The following KCTD8 variants were observed in gnomAD, a reference collection of about 807,000 sequenced individuals.
KCTD8 encodes BTB/POZ domain-containing protein KCTD8.
Under a neutral mutation model 31.5 loss-of-function variants are expected in KCTD8, and 27 were observed. The observed-to-expected ratio is 0.86, with a 90% confidence interval of 0.63 to 1.18. The LOEUF (loss-of-function observed/expected upper bound fraction) is 1.18, where lower values mean the gene tolerates loss of function less well. KCTD8 is among the 50% of genes most tolerant of loss of function. The pLI, the probability that KCTD8 is intolerant of heterozygous loss-of-function variation, is 0.00. For synonymous variants in KCTD8, 290 were observed against 280.0 expected, an observed-to-expected ratio of 1.04 and a Z score of -0.36; for missense variants, 658 against 647.7, an observed-to-expected ratio of 1.02 and a Z score of -0.17.
chr4:44,350,375 GT>G (rs1719166069), intron 1 of KCTD8, among the ~76,000 whole-genome samples: 2 of 152,086 alleles, frequency 1.3e-5, no homozygotes, highest in Non-Finnish European at 2.9e-5. Context: ...AACAAAACCA[GT>G]TTGGAAGAAT....
chr4:44,257,030 C>T (rs1426992698), intron 1 of KCTD8, among the ~76,000 whole-genome samples: 2 of 151,774 alleles, frequency 1.3e-5, no homozygotes, highest in Non-Finnish European at 1.5e-5. Flanking sequence ...ACTGTATGAT[C>T]TAATTTACAT....
At position 44,368,833 on chromosome 4, in the gene KCTD8, A is replaced by C. The variant is rs1430405730; in HGVS notation, c.961+78730T>G. Among the ~76,000 whole-genome samples the C allele has an allele frequency of 2.6e-5, 4 of 152,252 alleles. No individual in the cohort carries two copies. In the East Asian group the frequency reaches 7.7e-4, roughly 29 times the overall value. On this transcript the variant is annotated intron_variant, in intron 1 of 1. Coordinates refer to ENST00000360029, the MANE Select transcript of KCTD8 (RefSeq NM_198353.3). Reference sequence around the variant, plus strand: ...ATGATGACATTTGAGAAAGGGTTAAAGTTTCTATAATCATTAAGAAAATAC... The same window carrying C: ...ATGATGACATTTGAGAAAGGGTTAACGTTTCTATAATCATTAAGAAAATAC...
intron 1 of KCTD8, among the ~76,000 whole-genome samples, chr4:44,321,838 G>A (rs545592131): frequency 6.6e-6 from 1 of 151,950 alleles, no homozygotes; most frequent in Non-Finnish European, 1.5e-5. Context: ...TCCTACATGA[G>A]TGAGAACATG....
chr4:44,181,639 C>G (rs921171493), intron 1 of KCTD8, among the ~76,000 whole-genome samples: 3 of 152,174 alleles, frequency 2.0e-5, no homozygotes, highest in Admixed American at 1.3e-4. Context: ...CCCAAAGTGC[C>G]GAGATTGCAG....
intron 1 of KCTD8, among the ~76,000 whole-genome samples, chr4:44,283,545 T>C (rs983303598): frequency 3.9e-5 from 6 of 152,042 alleles, no homozygotes; most frequent in African/African-American, 1.4e-4. Flanking sequence ...CTAGGGCCCT[T>C]AATAATTATT....
chr4:44,249,195 CATT>C (rs1034897082), intron 1 of KCTD8, among the ~76,000 whole-genome samples: 4 of 151,712 alleles, frequency 2.6e-5, no homozygotes, highest in African/African-American at 9.7e-5. Context: ...ACGAAATCCT[CATT>C]ATTTCTTATG....
chr4:44,215,597 T>A (rs942376614), intron 1 of KCTD8, among the ~76,000 whole-genome samples: 1 of 152,210 alleles, frequency 6.6e-6, no homozygotes, highest in African/African-American at 2.4e-5. Flanking sequence ...AATCTTTAAT[T>A]CAGAATTCTT....
At chr4:44,210,204 G>A (rs376183551) in intron 1 of KCTD8, among the ~76,000 whole-genome samples, 5 of 152,126 alleles carry the variant, frequency 3.3e-5, no homozygotes, top group African/African-American at 1.2e-4. Context: ...TCTGTGAAAT[G>A]TTTGAGTGTC....
intron 1 of KCTD8, among the ~76,000 whole-genome samples, chr4:44,372,946 C>G (rs952292847): frequency 6.6e-6 from 1 of 152,184 alleles, no homozygotes; most frequent in African/African-American, 2.4e-5. Flanking sequence ...CAGCAGCTCA[C>G]ATAAAATATG....
chr4:44,327,131 T>C (rs1253979686), intron 1 of KCTD8, among the ~76,000 whole-genome samples: 1 of 151,952 alleles, frequency 6.6e-6, no homozygotes, highest in Non-Finnish European at 1.5e-5. Flanking sequence ...GTGAAACATA[T>C]AAAGTCAGAG....
chr4:44,265,790 T>TCAGCCATG (rs1716331505), intron 1 of KCTD8, among the ~76,000 whole-genome samples: 1 of 151,922 alleles, frequency 6.6e-6, no homozygotes, highest in South Asian at 2.1e-4. Flanking sequence ...AGAAAGGGTA[T>TCAGCCATG]CAGCCATGGA....
intron 1 of KCTD8, among the ~76,000 whole-genome samples, chr4:44,219,420 T>C (rs1374565614): frequency 3.3e-5 from 5 of 152,232 alleles, no homozygotes; most frequent in Non-Finnish European, 5.9e-5. Flanking sequence ...TGGACTAAGA[T>C]GAGCCCTAAT....
At chr4:44,429,718 G>A (rs1210630409) in intron 1 of KCTD8, among the ~76,000 whole-genome samples, 2 of 151,740 alleles carry the variant, frequency 1.3e-5, no homozygotes, top group African/African-American at 4.8e-5. Flanking sequence ...TTGAGAGGGA[G>A]AGATGTTGAA....
At chr4:44,326,265 C>CAT (rs147260211) in intron 1 of KCTD8, among the ~76,000 whole-genome samples, 4,503 of 151,830 alleles carry the variant, frequency 0.03, 283 homozygotes, top group African/African-American at 0.1. Flanking sequence ...TGAACAATAA[C>CAT]AGCACCAATG....
intron 1 of KCTD8, among the ~76,000 whole-genome samples, chr4:44,439,849 A>G (rs1223719080): frequency 6.6e-6 from 1 of 151,872 alleles, no homozygotes; most frequent in Non-Finnish European, 1.5e-5. Context: ...TAAATTAATG[A>G]AGTCAGTTAA....
At chr4:44,414,285 G>C (rs1721023106) in intron 1 of KCTD8, among the ~76,000 whole-genome samples, 2 of 151,970 alleles carry the variant, frequency 1.3e-5, no homozygotes. Flanking sequence ...CTGATTATTA[G>C]AAAAGTATAC....
intron 1 of KCTD8, among the ~76,000 whole-genome samples, chr4:44,207,134 C>A (rs143901374): frequency 6.6e-6 from 1 of 152,216 alleles, no homozygotes; most frequent in East Asian, 1.9e-4. Flanking sequence ...ACTCTCCATA[C>A]GTTGGATTCC....
chr4:44,416,025 G>A (rs552081969), intron 1 of KCTD8, among the ~76,000 whole-genome samples: 1 of 152,318 alleles, frequency 6.6e-6, no homozygotes, highest in Non-Finnish European at 1.5e-5. Context: ...CACATGGGCT[G>A]TACCCTGAAA....
chr4:44,250,621 T>C (rs1348764774), intron 1 of KCTD8, among the ~76,000 whole-genome samples: 1 of 151,790 alleles, frequency 6.6e-6, no homozygotes, highest in Non-Finnish European at 1.5e-5. Flanking sequence ...ATTCTCTCTC[T>C]AGGTTTGACT....
Sources: allele counts gnomAD v4.1 joint callset (sites outside exome capture counted in the v4.1 genomes callset), GRCh38; gene constraint gnomAD v4.1.1; transcripts MANE v1.5; gene names NCBI Gene and HGNC (gene_info 2026-07-23, HGNC 2026-07-21).